The following PSEN2 variants were observed in gnomAD, a reference collection of about 807,000 sequenced individuals.
The protein encoded by PSEN2 is presenilin 2.
PSEN2 carries 32 observed loss-of-function variants against 49.1 expected under a neutral mutation model. That is an observed-to-expected ratio of 0.65 (90% CI 0.49 to 0.88). The LOEUF is 0.88. Ranked by LOEUF, PSEN2 falls within the 40% of genes least tolerant of loss-of-function variation. The pLI is 0.00. For missense variants in PSEN2, 522 were observed against 586.9 expected, an observed-to-expected ratio of 0.89 and a Z score of 1.14; for synonymous variants, 255 against 244.0, an observed-to-expected ratio of 1.05 and a Z score of -0.42.
downstream of PSEN2, among the ~76,000 whole-genome samples, chr1:226,901,440 A>G (rs1662318228): frequency 6.6e-6 from 1 of 151,818 alleles, no homozygotes; most frequent in South Asian, 2.1e-4. Context: ...GTCTCAAAAA[A>G]AAAAAAAAAA....
At position 226,890,051 on chromosome 1, in the gene PSEN2, G is replaced by C. The variant is rs201606093; in HGVS notation, c.804G>C (p.Leu268=). 4 of 1,613,874 alleles carry C rather than the reference G, an allele frequency of 2.5e-6. No homozygotes were observed. Among genetic ancestry groups the C allele is most frequent in the East Asian group, 2.2e-5 (1 of 44,890 alleles). ...TCTTCCTAGATCTCGTGGCTGTGCT[G>C]TGTCCCAAAGGGCCTCTGAGAATGC... ...AISVYDLVAV[L]CPKGPLRMLV... is the part of the protein sequence containing the mutation. The change falls in exon 9 of 13, where the codon CTG becomes CTC. Residue 268 remains leucine (L), a synonymous_variant. Transcript: ENST00000366783.
chr1:226,883,843 C>T lies in PSEN2; in HGVS notation c.280C>T (p.Pro94Ser). ...GAKHVIMLFV[P>S]VTLCMIVVVA... ...GAAGCACGTGATCATGCTGTTTGTG[C>T]CTGTCACTCTGTGCATGATCGTGGT... Residue 94 changes from proline to serine, a missense_variant, in exon 5 of 13, where the codon CCT (proline) becomes TCT (serine). Pro to Ser is a moderately conservative substitution (Grantham distance 74, BLOSUM62 -1). Coordinates refer to ENST00000366783, the MANE Select transcript of PSEN2 (RefSeq NM_000447.3). 6.2e-7 allele frequency: 1 copy of T among 1,614,078 alleles called. No homozygotes were observed. The highest frequency in any genetic ancestry group is 8.5e-7 in the Non-Finnish European group (1 of 1,180,016).
chr1:226,880,847 TTC>T, intron 3 of PSEN2: 1 of 1,502,456 alleles, frequency 6.7e-7, no homozygotes, highest in Non-Finnish European at 9.1e-7. Context: ...TCAGTGGCAC[TTC>T]CCCACCTCAC....
At chr1:226,901,407 G>C (rs1662315720), downstream of PSEN2, among the ~76,000 whole-genome samples, 1 of 142,624 alleles carries the variant, frequency 7.0e-6, no homozygotes, top group Non-Finnish European at 1.5e-5. Flanking sequence ...TTGCACTCCA[G>C]CCTGTGTGAC....
At chr1:226,894,805 A>G (rs1662016994) in intron 12 of PSEN2, among the ~76,000 whole-genome samples, 1 of 152,196 alleles carries the variant, frequency 6.6e-6, no homozygotes, top group African/African-American at 2.4e-5. Context: ...CAGTGTCCAG[A>G]AGGTTTTCTT....
intron 5 of PSEN2, among the ~76,000 whole-genome samples, chr1:226,884,425 C>T (rs867261208): frequency 2.6e-5 from 4 of 152,066 alleles, no homozygotes; most frequent in African/African-American, 7.2e-5. Context: ...TAAAGCCTTT[C>T]GTTTATTTTA....
intron 7 of PSEN2, 82 bp from the exon 8 acceptor site, chr1:226,888,747 G>A: frequency 8.2e-7 from 1 of 1,214,718 alleles, no homozygotes; most frequent in Non-Finnish European, 1.2e-6. Context: ...AAGAGGGCCA[G>A]GTTGGGACTG....
In PSEN2 at chr1:226,895,501, G is replaced by T. The variant is rs748435174; in HGVS notation, c.1269G>T (p.Gly423=). 1.9e-6 allele frequency: 3 copies of T among 1,613,818 alleles called. No homozygotes were observed. Among genetic ancestry groups the T allele is most frequent in the South Asian group, 1.1e-5 (1 of 91,016 alleles). Residue 423 remains glycine, a synonymous_variant, in exon 13 of 13, where the codon GGG becomes GGT. Transcript: ENST00000366783. ...CCCTCCCCATCTCCATCACGTTCGG[G>T]CTCATCTTTTACTTCTCCACGGACA... The part of the protein sequence containing the change: ...LPALPISITF[G]LIFYFSTDNL...
rs1662116126 is a variant in PSEN2 at position 226,895,850 on chromosome 1, G to A, written c.*271G>A. ...TGAACTGAGAAGGTCAGATTAGGGCGGGGAGAAGAGCATCCGGCATGAGGG... is the reference window on the plus strand; with the variant it reads ...TGAACTGAGAAGGTCAGATTAGGGCAGGGAGAAGAGCATCCGGCATGAGGG... On this transcript the variant is annotated 3_prime_UTR_variant, in exon 13 of 13. Coordinates refer to ENST00000366783, the MANE Select transcript of PSEN2 (RefSeq NM_000447.3). 1.9e-6 allele frequency: 1 copy of A among 521,248 alleles called. No homozygotes were observed. Among genetic ancestry groups the A allele is most frequent in the Non-Finnish European group, 3.5e-6 (1 of 287,948 alleles). 32.3% of individuals were successfully genotyped at this position (521,248 alleles called of 1,614,324 possible).
chr1:226,887,860 G>A (rs562189455), intron 6 of PSEN2, among the ~76,000 whole-genome samples: 24 of 152,230 alleles, frequency 1.6e-4, no homozygotes, highest in African/African-American at 5.1e-4. Flanking sequence ...AGGCTATGCC[G>A]GCAGACCTGA....
chr1:226,899,148 T>G (rs1662236983), downstream of PSEN2: 1 of 152,080 alleles, frequency 6.6e-6, no homozygotes, highest in Non-Finnish European at 1.5e-5. Context: ...AATCTATCAG[T>G]TTTTTGCTTG....
chr1:226,876,153 A>G (rs1660615851), intron 3 of PSEN2, among the ~76,000 whole-genome samples: 1 of 152,104 alleles, frequency 6.6e-6, no homozygotes, highest in Admixed American at 6.5e-5. Context: ...CGGCACTCTA[A>G]TGTGGACAGA....
intron 6 of PSEN2, 22 bp downstream of exon 6, chr1:226,885,701 C>G (rs1250354073): frequency 1.2e-6 from 2 of 1,604,082 alleles, no homozygotes; most frequent in Admixed American, 3.3e-5. Context: ...GCCCTGCCCT[C>G]CAGCCACGCT....
At chr1:226,872,493 T>C (rs1158815476) in intron 2 of PSEN2, among the ~76,000 whole-genome samples, 1 of 152,228 alleles carries the variant, frequency 6.6e-6, no homozygotes, top group African/African-American at 2.4e-5. Flanking sequence ...TCTTTATCTC[T>C]TGAGTTTTTG....
At chr1:226,894,521 C>T (rs1661992205) in intron 12 of PSEN2, among the ~76,000 whole-genome samples, 1 of 152,212 alleles carries the variant, frequency 6.6e-6, no homozygotes, top group Non-Finnish European at 1.5e-5. Context: ...CTAGTGAGGA[C>T]CATGTTTTCC....
intron 6 of PSEN2, 58 bp downstream of exon 6, chr1:226,885,737 C>T (rs373254101): frequency 9.4e-6 from 15 of 1,594,030 alleles, no homozygotes; most frequent in South Asian, 3.3e-5. Flanking sequence ...CACACCATGG[C>T]GGCAGGGCCC....
At chr1:226,889,992 GC>G in intron 8 of PSEN2, 42 bp from the exon 9 acceptor site, 1 of 1,512,242 alleles carries the variant, frequency 6.6e-7, no homozygotes, top group Non-Finnish European at 9.2e-7. Flanking sequence ...TCTTCAGGGG[GC>G]TGCCCGGGGA....
chr1:226,891,236 T>C (rs1253801252), intron 9 of PSEN2, 42 bp from the exon 10 acceptor site: 15 of 1,586,352 alleles, frequency 9.5e-6, no homozygotes, highest in Non-Finnish European at 1.3e-5. Flanking sequence ...AGGCAGCCAC[T>C]GTTAGCACCG....
At chr1:226,897,018 A>G (rs2102701150), downstream of PSEN2, among the ~76,000 whole-genome samples, 1 of 152,254 alleles carries the variant, frequency 6.6e-6, no homozygotes, top group South Asian at 2.1e-4. Context: ...GCAGAGGAAA[A>G]TGTGGTGCCC....
Sources: gnomAD v4.1 joint callset for allele counts (sites outside exome capture counted in the v4.1 genomes callset) on GRCh38, gnomAD v4.1.1 for gene constraint, MANE v1.5 for transcripts, NCBI Gene and HGNC (gene_info 2026-07-23, HGNC 2026-07-21) for gene names.